PTPRT: variants seen among roughly 807,000 people sequenced by gnomAD.
The protein encoded by PTPRT is receptor-type tyrosine-protein phosphatase T.
Under a neutral mutation model 176.8 loss-of-function variants are expected in PTPRT, and 56 were observed. The observed-to-expected ratio is 0.32, with a 90% CI of 0.26 to 0.40. PTPRT has a LOEUF of 0.40. PTPRT is among the 10% of genes least tolerant of loss of function. PTPRT has a pLI of 1.00. For synonymous variants in PTPRT, 783 were observed against 739.0 expected, an observed-to-expected ratio of 1.06 and a Z score of -0.96; for missense variants, 1,540 against 1,908.2, an observed-to-expected ratio of 0.81 and a Z score of 3.60.
At chr20:42,083,998 C>T (rs73271421) in intron 29 of PTPRT, among the ~76,000 whole-genome samples, 1,853 of 152,308 alleles carry the variant, frequency 0.012, 34 homozygotes, top group African/African-American at 0.043. Context: ...TTCTTGGTCT[C>T]TATGTTGGCA....
chr20:42,720,100 C>T (rs976272241), intron 6 of PTPRT, among the ~76,000 whole-genome samples: 13 of 152,286 alleles, frequency 8.5e-5, no homozygotes, highest in Non-Finnish European at 4.4e-5. Flanking sequence ...TACTAAATGC[C>T]TACTGGGTGA....
At chr20:42,536,614 C>T (rs746529069) in intron 7 of PTPRT, among the ~76,000 whole-genome samples, 15 of 152,134 alleles carry the variant, frequency 9.9e-5, no homozygotes, top group Non-Finnish European at 1.8e-4. Context: ...AAGACAGTAA[C>T]AGTTTACTCA....
intron 26 of PTPRT, among the ~76,000 whole-genome samples, chr20:42,101,055 G>A (rs1985887396): frequency 1.3e-5 from 2 of 152,202 alleles, no homozygotes; most frequent in African/African-American, 4.8e-5. Context: ...AGCATCCCAT[G>A]TTTCTGTCTA....
chr20:42,806,576 C>T (rs775111022), intron 2 of PTPRT, among the ~76,000 whole-genome samples: 1 of 151,238 alleles, frequency 6.6e-6, no homozygotes, highest in African/African-American at 2.4e-5. Flanking sequence ...GAAAGGCTGA[C>T]AAACTTTTTC....
chr20:42,916,398 T>C (rs983176501), intron 1 of PTPRT, among the ~76,000 whole-genome samples: 4 of 152,194 alleles, frequency 2.6e-5, no homozygotes, highest in African/African-American at 9.6e-5. Flanking sequence ...AAGTCTTTGC[T>C]ATTGTGAATA....
At chr20:42,437,855 G>A (rs1053186619) in intron 9 of PTPRT, among the ~76,000 whole-genome samples, 2 of 152,176 alleles carry the variant, frequency 1.3e-5, no homozygotes, top group African/African-American at 2.4e-5. Context: ...TTTTCATTTT[G>A]TTCTGACCAA....
At position 42,614,173 on chromosome 20, in the gene PTPRT, CA is replaced by C. The variant is rs148801862; in HGVS notation, c.1153+63692del. On this transcript the variant is annotated intron_variant, in intron 7 of 30. Coordinates refer to ENST00000373187, the MANE Select transcript of PTPRT (RefSeq NM_007050.6). Reference sequence around the variant, plus strand: ...GGTGTTTCTTGGCTTGCAGAAGCATCACCCTGATCTCTGCATTCAATTTCAC... The same window carrying C: ...GGTGTTTCTTGGCTTGCAGAAGCATCCCCTGATCTCTGCATTCAATTTCAC... Among the ~76,000 whole-genome samples, 578 of 152,218 alleles carry C rather than the reference CA, an allele frequency of 3.8e-3. 5 individuals carry two copies. Among genetic ancestry groups the C allele is most frequent in the African/African-American group, 0.014 (569 of 41,534 alleles).
chr20:42,885,731 G>T, intron 2 of PTPRT, 76 bp downstream of exon 2: 1 of 1,533,708 alleles, frequency 6.5e-7, no homozygotes, highest in Non-Finnish European at 8.9e-7. Flanking sequence ...CAATGTGTAA[G>T]TAAGTTCTTC....
chr20:42,948,633 G>A (rs1981036174), intron 1 of PTPRT, among the ~76,000 whole-genome samples: 1 of 152,138 alleles, frequency 6.6e-6, no homozygotes, highest in Admixed American at 6.5e-5. Flanking sequence ...AATGCAAAGT[G>A]AAGAGATAAG....
chr20:42,122,495 C>G (rs996617649), intron 19 of PTPRT, among the ~76,000 whole-genome samples: 7 of 152,126 alleles, frequency 4.6e-5, no homozygotes, highest in African/African-American at 1.4e-4. Context: ...GCTGCTCAGG[C>G]TAAAAGAAAG....
intron 9 of PTPRT, among the ~76,000 whole-genome samples, chr20:42,382,451 C>G (rs568352222): frequency 3.3e-4 from 51 of 152,282 alleles, no homozygotes; most frequent in African/African-American, 1.1e-3. Context: ...GCTTCCAGAT[C>G]CCTGTACATC....
chr20:42,842,281 G>T (rs6065545), intron 2 of PTPRT, among the ~76,000 whole-genome samples: 3 of 152,160 alleles, frequency 2.0e-5, no homozygotes, highest in African/African-American at 7.2e-5. Flanking sequence ...AAACGAAGAA[G>T]AGTGCAGTGT....
At chr20:42,980,404 A>G (rs139102090) in intron 1 of PTPRT, among the ~76,000 whole-genome samples, 1 of 152,152 alleles carries the variant, frequency 6.6e-6, no homozygotes, top group Non-Finnish European at 1.5e-5. Context: ...TGTATTCGTG[A>G]CCCCTTCTTG....
chr20:42,855,580 C>G (rs375390046), intron 2 of PTPRT, among the ~76,000 whole-genome samples: 1 of 145,132 alleles, frequency 6.9e-6, no homozygotes, highest in Admixed American at 6.8e-5. Flanking sequence ...CACAGGAGTG[C>G]GCCACCACAC....
intron 9 of PTPRT, among the ~76,000 whole-genome samples, chr20:42,410,668 C>T (rs1163183924): frequency 6.6e-6 from 1 of 151,782 alleles, no homozygotes; most frequent in African/African-American, 2.4e-5. Context: ...AGACCATATA[C>T]CATACTATGA....
At chr20:43,161,240 T>C (rs953159880) in intron 1 of PTPRT, among the ~76,000 whole-genome samples, 2 of 152,228 alleles carry the variant, frequency 1.3e-5, no homozygotes, top group Non-Finnish European at 2.9e-5. Context: ...CTGTGTACAC[T>C]GTTCAGAACT....
At chr20:42,344,850 T>C (rs954679498) in intron 11 of PTPRT, among the ~76,000 whole-genome samples, 6 of 152,154 alleles carry the variant, frequency 3.9e-5, no homozygotes, top group African/African-American at 1.2e-4. Flanking sequence ...ACTGAGCTAC[T>C]TGTGGCTCCC....
In PTPRT at chr20:42,948,490, G is replaced by A. The variant is rs528510608; in HGVS notation, c.89-62558C>T. Among the ~76,000 whole-genome samples, 37 of 152,270 alleles carry A rather than the reference G, an allele frequency of 2.4e-4. No homozygotes were observed. The South Asian group carries it at 7.7e-3, about 32-fold the overall frequency. Reference sequence around the variant, plus strand: ...TGGCCCAATACAAGCCAATGTAAGTGTGGCCCAGGATTTGAATGGTTGGTG... The same window carrying A: ...TGGCCCAATACAAGCCAATGTAAGTATGGCCCAGGATTTGAATGGTTGGTG... On this transcript the variant is annotated intron_variant, in intron 1 of 30. Transcript: ENST00000373187.
At chr20:42,445,446 G>A (rs963976633) in intron 9 of PTPRT, among the ~76,000 whole-genome samples, 1 of 152,116 alleles carries the variant, frequency 6.6e-6, no homozygotes, top group Non-Finnish European at 1.5e-5. Flanking sequence ...TGTCAGAGCT[G>A]GGATTCAGAT....
Sources: allele counts gnomAD v4.1 joint callset (sites outside exome capture counted in the v4.1 genomes callset), GRCh38; gene constraint gnomAD v4.1.1; transcripts MANE v1.5; gene names NCBI Gene and HGNC (gene_info 2026-07-23, HGNC 2026-07-21).